The following COL11A1 variants were observed in gnomAD, a reference collection of about 807,000 sequenced individuals.
COL11A1 encodes the protein collagen alpha-1(XI) chain.
Under a neutral mutation model 265.2 loss-of-function variants are expected in COL11A1, and 74 were observed. The observed-to-expected ratio is 0.28, with a 90% CI of 0.23 to 0.34. The LOEUF (loss-of-function observed/expected upper bound fraction) is 0.34, where lower values mean the gene tolerates loss of function less well. Ranked by LOEUF, COL11A1 falls within the 10% of genes least tolerant of loss-of-function variation. The pLI, the probability that COL11A1 is intolerant of heterozygous loss-of-function variation, is 1.00. For synonymous variants in COL11A1, 816 were observed against 727.6 expected (o/e 1.12, Z -1.96); for missense variants, 2,165 against 2,263.6 (o/e 0.96, Z 0.88).
intron 7 of COL11A1, among the ~76,000 whole-genome samples, chr1:103,023,765 C>T (rs1025162513): frequency 2.0e-5 from 3 of 151,942 alleles, no homozygotes; most frequent in African/African-American, 7.2e-5. Flanking sequence ...TAATAATATG[C>T]CAATATCAGT....
At chr1:102,892,111 G>A (rs1372874036) in intron 57 of COL11A1, among the ~76,000 whole-genome samples, 1 of 152,080 alleles carries the variant, frequency 6.6e-6, no homozygotes, top group East Asian at 1.9e-4. Flanking sequence ...TGTCACTACT[G>A]CTTGCCGCAA....
chr1:102,902,448 A>G (rs1396331122), intron 54 of COL11A1, among the ~76,000 whole-genome samples: 1 of 152,162 alleles, frequency 6.6e-6, no homozygotes, highest in Non-Finnish European at 1.5e-5. Context: ...TTGTTTCCCC[A>G]CATTAAAAAA....
intron 18 of COL11A1, among the ~76,000 whole-genome samples, chr1:103,004,930 C>T (rs1443416499): frequency 2.0e-5 from 3 of 151,900 alleles, no homozygotes; most frequent in East Asian, 3.9e-4. Flanking sequence ...TATCTTAAAT[C>T]GTTTTCAGAC....
At chr1:103,039,513 A>G (rs1259576108) in intron 4 of COL11A1, among the ~76,000 whole-genome samples, 2 of 152,092 alleles carry the variant, frequency 1.3e-5, no homozygotes, top group African/African-American at 4.8e-5. Flanking sequence ...AAGGAGTAAG[A>G]CACAAACACA....
intron 1 of COL11A1, among the ~76,000 whole-genome samples, chr1:103,095,595 C>G (rs1673689443): frequency 6.6e-6 from 1 of 151,898 alleles, no homozygotes; most frequent in Non-Finnish European, 1.5e-5. Context: ...GAAAGAAATG[C>G]AAGGAGACAA....
chr1:102,936,362 A>T (rs991220812), intron 44 of COL11A1, among the ~76,000 whole-genome samples: 28 of 151,160 alleles, frequency 1.9e-4, no homozygotes, highest in Non-Finnish European at 3.6e-4. Context: ...TGACAGAAAA[A>T]CTATGATTTT....
At chr1:102,883,869 A>C (rs1382571003) in intron 63 of COL11A1, among the ~76,000 whole-genome samples, 2 of 152,030 alleles carry the variant, frequency 1.3e-5, no homozygotes, top group African/African-American at 4.8e-5. Flanking sequence ...CCTAAGAAGG[A>C]CTACTTTATA....
At chr1:103,015,829 T>G in intron 11 of COL11A1, 87 bp from the exon 12 acceptor site, 1 of 1,011,684 alleles carries the variant, frequency 9.9e-7, no homozygotes, top group Non-Finnish European at 1.5e-6. Flanking sequence ...TAAGTCTACT[T>G]TATCTAATTT....
At position 103,000,899 on chromosome 1, in the gene COL11A1, A is replaced by G. The variant is rs1570991911; in HGVS notation, c.2142+1026T>C. Reference sequence around the variant, plus strand: ...AAAGTAAACAGAACCTGGTATACCCAATCAATGGAATACTATGAGAACAAA... The same window carrying G: ...AAAGTAAACAGAACCTGGTATACCCGATCAATGGAATACTATGAGAACAAA... On this transcript the variant is annotated intron_variant, in intron 24 of 66. Transcript: ENST00000370096. 4 of 345,536 alleles carry G rather than the reference A, an allele frequency of 1.2e-5. No homozygotes were observed. In the East Asian group the frequency reaches 1.7e-4, roughly 15 times the overall value. The allele number at this position is 345,536 out of a possible 1,614,324, so 21.4% of individuals were successfully genotyped here.
intron 1 of COL11A1, among the ~76,000 whole-genome samples, chr1:103,085,588 G>A (rs925384148): frequency 6.6e-6 from 1 of 152,002 alleles, no homozygotes; most frequent in African/African-American, 2.4e-5. Flanking sequence ...CAGTATTTGA[G>A]GACCTGCTTG....
At chr1:102,894,154 C>T (rs12731622) in intron 57 of COL11A1, among the ~76,000 whole-genome samples, 13,374 of 152,154 alleles carry the variant, frequency 0.088, 705 homozygotes, top group Middle Eastern at 0.16. Context: ...AAATCAAATA[C>T]ATTTTAGTTT....
chr1:102,945,023 T>G (rs1430426843), intron 42 of COL11A1, among the ~76,000 whole-genome samples: 1 of 152,146 alleles, frequency 6.6e-6, no homozygotes, highest in African/African-American at 2.4e-5. Flanking sequence ...ACATTCTAAC[T>G]CTTTCTGAAA....
At chr1:102,961,015 C>A (rs1001192354) in intron 41 of COL11A1, among the ~76,000 whole-genome samples, 6 of 151,928 alleles carry the variant, frequency 3.9e-5, no homozygotes, top group Non-Finnish European at 8.8e-5. Context: ...ATGAAGAAAG[C>A]GGAAAAATTA....
At chr1:103,075,381 A>G (rs1243846224) in intron 3 of COL11A1, among the ~76,000 whole-genome samples, 1 of 152,140 alleles carries the variant, frequency 6.6e-6, no homozygotes, top group African/African-American at 2.4e-5. Context: ...TCACTACTGT[A>G]GGCAGGATCC....
At chr1:103,002,114 A>C in intron 23 of COL11A1, 145 bp from the exon 24 acceptor site, 4 of 761,510 alleles carry the variant, frequency 5.3e-6, no homozygotes, top group Non-Finnish European at 8.9e-6. Flanking sequence ...ATTTTAGAAC[A>C]CGATGAGGAG....
intron 36 of COL11A1, among the ~76,000 whole-genome samples, chr1:102,972,435 G>A (rs1662057832): frequency 6.6e-6 from 1 of 152,034 alleles, no homozygotes; most frequent in African/African-American, 2.4e-5. Context: ...ATATTTAATG[G>A]CTTTCCTAGA....
chr1:102,880,715 CTAGA>C (rs1650129572), intron 65 of COL11A1, among the ~76,000 whole-genome samples: 1 of 151,520 alleles, frequency 6.6e-6, no homozygotes, highest in Admixed American at 6.6e-5. Flanking sequence ...AGATGTTCAC[CTAGA>C]TTATAGATTA....
chr1:102,993,140 T>A (rs1014365099), intron 28 of COL11A1, among the ~76,000 whole-genome samples: 2 of 152,162 alleles, frequency 1.3e-5, no homozygotes, highest in African/African-American at 4.8e-5. Flanking sequence ...AAATCCTTGA[T>A]GGATACTAAT....
chr1:103,016,233 A>G (rs1464847361), intron 11 of COL11A1, among the ~76,000 whole-genome samples: 1 of 151,602 alleles, frequency 6.6e-6, no homozygotes, highest in African/African-American at 2.4e-5. Flanking sequence ...GACAATAGAT[A>G]CTATCTTCAA....
Sources: allele counts gnomAD v4.1 joint callset (sites outside exome capture counted in the v4.1 genomes callset), GRCh38; gene constraint gnomAD v4.1.1; transcripts MANE v1.5; gene names NCBI Gene and HGNC (gene_info 2026-07-23, HGNC 2026-07-21).